Variants in CCDC38 observed in about 807,000 individuals in gnomAD.
CCDC38 encodes the protein coiled-coil domain-containing protein 38.
In CCDC38, 69 loss-of-function variants were observed where a neutral mutation model predicts 72.8. The ratio of observed to expected loss-of-function variants is 0.95; its 90% CI spans 0.78 to 1.16. The LOEUF (loss-of-function observed/expected upper bound fraction) is 1.16. CCDC38 is among the 50% of genes most tolerant of loss of function. The pLI is 0.00. For synonymous variants in CCDC38, 201 were observed against 213.2 expected (o/e 0.94, Z 0.50); for missense variants, 626 against 638.9 (o/e 0.98, Z 0.22).
intron 5 of CCDC38, among the ~76,000 whole-genome samples, chr12:95,902,468 T>A (rs922616655): frequency 6.6e-6 from 1 of 152,214 alleles, no homozygotes; most frequent in Admixed American, 6.5e-5. Context: ...AGTGAAATTA[T>A]AGTATGAACT....
intron 5 of CCDC38, chr12:95,903,512 G>A (rs1293685320): frequency 2.6e-5 from 18 of 697,370 alleles, no homozygotes; most frequent in Non-Finnish European, 3.7e-5. Flanking sequence ...GATATGTAAT[G>A]TTAGTGATAA....
chr12:95,896,219 T>A (rs2079887803), intron 7 of CCDC38, among the ~76,000 whole-genome samples: 1 of 152,058 alleles, frequency 6.6e-6, no homozygotes, highest in Non-Finnish European at 1.5e-5. Flanking sequence ...ATTCTTATCT[T>A]GGAAAGGAGA....
rs765815598 is a variant in CCDC38, at chr12:95,891,756, T to C, written c.773-826A>G. ...ATTTAGCTTTAACCAAATTTTTTCATGTGCTCAACACTTTACACATATGAC... is the reference window on the plus strand; with the variant it reads ...ATTTAGCTTTAACCAAATTTTTTCACGTGCTCAACACTTTACACATATGAC... On this transcript the variant is annotated intron_variant, in intron 8 of 15. Transcript: ENST00000344280. Among the ~76,000 whole-genome samples, 10 of 152,324 alleles carry C rather than the reference T, an allele frequency of 6.6e-5. No individual in the cohort carries two copies. In the South Asian group the frequency reaches 1.9e-3, roughly 28 times the overall value.
chr12:95,900,341 C>T (rs2079937350), intron 5 of CCDC38, among the ~76,000 whole-genome samples: 1 of 152,190 alleles, frequency 6.6e-6, no homozygotes, highest in South Asian at 2.1e-4. Context: ...TCCTGAAAAT[C>T]AAAATCACAG....
intron 7 of CCDC38, 119 bp from the exon 8 acceptor site, chr12:95,895,265 A>G: frequency 1.6e-6 from 1 of 617,732 alleles, no homozygotes; most frequent in Non-Finnish European, 2.6e-6. Flanking sequence ...ATTATCAAAA[A>G]GGATAAATAT....
chr12:95,917,400 T>C (rs2080157409), intron 3 of CCDC38, 106 bp from the exon 4 acceptor site: 1 of 922,912 alleles, frequency 1.1e-6, no homozygotes, highest in African/African-American at 1.7e-5. Flanking sequence ...AATCTTAACA[T>C]TAAAAAAACA....
intron 7 of CCDC38, among the ~76,000 whole-genome samples, chr12:95,897,461 T>C (rs2079901892): frequency 6.6e-6 from 1 of 151,622 alleles, no homozygotes; most frequent in Admixed American, 6.6e-5. Context: ...ATACAAAAAA[T>C]GAGCCAAGCG....
At chr12:95,928,674 C>A (rs1325900934) in intron 2 of CCDC38, among the ~76,000 whole-genome samples, 1 of 152,172 alleles carries the variant, frequency 6.6e-6, no homozygotes, top group African/African-American at 2.4e-5. Flanking sequence ...GTGGTTGTAT[C>A]TACTTTTGGT....
intron 4 of CCDC38, among the ~76,000 whole-genome samples, chr12:95,908,400 G>A (rs1176338157): frequency 2.1e-5 from 3 of 141,934 alleles, no homozygotes; most frequent in African/African-American, 7.9e-5. Context: ...GCAGTGAGCT[G>A]AGATGGCAGC....
rs10859974 is a variant in CCDC38, at chr12:95,895,082, T to C, written c.679A>G (p.Met227Val). ...YMKYGFFLLQMSPKHWQIQQA... is the reference protein window; with the variant it reads ...YMKYGFFLLQVSPKHWQIQQA... ...TGGATTTGCCAATGTTTTGGAGACA[T>C]TTGCAGCAGAAAAAAACCATATTTC... The change falls in exon 8 of 16, where the codon ATG becomes GTG. Residue 227 changes from methionine (M) to valine (V), a missense_variant. Coordinates refer to ENST00000344280, the MANE Select transcript of CCDC38 (RefSeq NM_182496.3). The C allele has an allele frequency of 0.18, 297,197 of 1,611,748 alleles. 30,095 individuals are homozygous for C. Among genetic ancestry groups the C allele is most frequent in the East Asian group, 0.42 (18,681 of 44,698 alleles).
chr12:95,889,992 G>C, intron 9 of CCDC38, among the ~76,000 whole-genome samples: 1 of 152,000 alleles, frequency 6.6e-6, no homozygotes, highest in Admixed American at 6.6e-5. Flanking sequence ...GCTCACCATG[G>C]CCTCGATTTG....
At chr12:95,918,808 A>G (rs1023017632) in intron 3 of CCDC38, 68 bp downstream of exon 3, 4 of 1,088,218 alleles carry the variant, frequency 3.7e-6, no homozygotes, top group South Asian at 2.7e-5. Context: ...AGCAAAGTTC[A>G]TAAGAGCAAT....
At chr12:95,899,579 G>C (rs539618776) in intron 5 of CCDC38, among the ~76,000 whole-genome samples, 2 of 152,158 alleles carry the variant, frequency 1.3e-5, no homozygotes, top group Admixed American at 1.3e-4. Context: ...GATTACAGGC[G>C]TGAGCCACCA....
chr12:95,938,161 A>G (rs1380220141), intron 1 of CCDC38, among the ~76,000 whole-genome samples: 3 of 152,372 alleles, frequency 2.0e-5, no homozygotes, highest in Non-Finnish European at 2.9e-5. Context: ...AATAAAAACT[A>G]TAACATTGAC....
intron 4 of CCDC38, among the ~76,000 whole-genome samples, chr12:95,906,800 TTTTATTTA>T (rs66972731): frequency 0.54 from 74,934 of 137,674 alleles, 21,593 homozygotes; most frequent in African/African-American, 0.75. Context: ...CAAGATTTCT[TTTTATTTA>T]TTTATTTATT....
intron 10 of CCDC38, among the ~76,000 whole-genome samples, chr12:95,883,293 C>T (rs1196070170): frequency 2.6e-5 from 4 of 152,220 alleles, no homozygotes; most frequent in African/African-American, 9.6e-5. Flanking sequence ...CTGTCACACT[C>T]TTGTTTAAAA....
chr12:95,897,659 A>G (rs1350670445), intron 7 of CCDC38, among the ~76,000 whole-genome samples: 1 of 151,380 alleles, frequency 6.6e-6, no homozygotes, highest in East Asian at 1.9e-4. Context: ...TTCCTTGACC[A>G]TAGAAGGAAA....
intron 1 of CCDC38, among the ~76,000 whole-genome samples, chr12:95,941,029 T>C (rs1193542395): frequency 6.6e-6 from 1 of 152,220 alleles, no homozygotes; most frequent in Non-Finnish European, 1.5e-5. Flanking sequence ...GTGTCATCCT[T>C]ATCCATCTAT....
intron 2 of CCDC38, among the ~76,000 whole-genome samples, chr12:95,927,935 T>A (rs367953576): frequency 6.7e-6 from 1 of 150,190 alleles, no homozygotes; most frequent in Non-Finnish European, 1.5e-5. Flanking sequence ...CTTCCCTTTG[T>A]GGGTAACCCG....
Sources: allele counts gnomAD v4.1 joint callset (sites outside exome capture counted in the v4.1 genomes callset), GRCh38; gene constraint gnomAD v4.1.1; transcripts MANE v1.5; gene names NCBI Gene and HGNC (gene_info 2026-07-23, HGNC 2026-07-21).